NOS1: variants seen among roughly 807,000 people sequenced by gnomAD.
NOS1 encodes the protein nitric oxide synthase 1.
A neutral mutation model predicts 164.5 loss-of-function variants in NOS1; 51 were observed. The observed-to-expected ratio is 0.31, with a 90% CI of 0.25 to 0.39. The LOEUF (loss-of-function observed/expected upper bound fraction) is 0.39, where lower values mean the gene tolerates loss of function less well. Ranked by LOEUF, NOS1 falls within the 10% of genes least tolerant of loss-of-function variation. The pLI is 1.00. For synonymous variants in NOS1, 719 were observed against 745.8 expected (o/e 0.96, Z 0.59); for missense variants, 1,362 against 1,885.6 (o/e 0.72, Z 5.14).
rs776692730 is a variant in NOS1, at chr12:117,225,076, T to C, written c.3766A>G (p.Thr1256Ala). Residue 1256 changes from threonine to alanine, a missense_variant, in exon 25 of 29, where the codon ACC (threonine) becomes GCC (alanine). Around this residue, in one of 4 missense-constraint regions of NOS1, gnomAD observed 737 missense variants for 1,030.3 expected, o/e 0.72. Transcript: ENST00000317775. ...QVPCILVGPG[T>A]GIAPFRSFWQ... ...AAGCTTCGGAAAGGGGCAATGCCGGTGCCTGGTCCAACGAGGATGCAGGGG... is the reference window on the plus strand; with the variant it reads ...AAGCTTCGGAAAGGGGCAATGCCGGCGCCTGGTCCAACGAGGATGCAGGGG... 11 of 1,614,160 alleles carry C rather than the reference T, an allele frequency of 6.8e-6. No homozygotes were observed. Among genetic ancestry groups the C allele is most frequent in the Non-Finnish European group, 9.3e-6 (11 of 1,180,038 alleles).
At chr12:117,338,759 A>C (rs1875957921) in intron 1 of NOS1, among the ~76,000 whole-genome samples, 1 of 152,226 alleles carries the variant, frequency 6.6e-6, no homozygotes, top group African/African-American at 2.4e-5. Context: ...ATGTAAATGT[A>C]AAGGTTATTC....
intron 4 of NOS1, among the ~76,000 whole-genome samples, chr12:117,289,174 A>G (rs1872890994): frequency 6.6e-6 from 1 of 152,224 alleles, no homozygotes; most frequent in African/African-American, 2.4e-5. Flanking sequence ...TATGAAATAA[A>G]AATACTGAGG....
At chr12:117,291,420 T>C (rs1323106349) in intron 3 of NOS1, among the ~76,000 whole-genome samples, 2 of 152,118 alleles carry the variant, frequency 1.3e-5, no homozygotes, top group African/African-American at 4.8e-5. Context: ...AGTCCCCCAT[T>C]TGTCTTCACT....
chr12:117,265,527 G>C lies in NOS1; in HGVS notation c.1942-17C>G, dbSNP rs1872319218. The stretch of plus-strand genomic sequence containing the variant: ...TTTGTCACTCTGTGGGAGGAGAGGG[G>C]ACAGGGGTCAGGAGGTATGAGAAGC... On this transcript the variant is annotated splice_polypyrimidine_tract_variant and intron_variant, in intron 11 of 28. Coordinates refer to ENST00000317775, the MANE Select transcript of NOS1 (RefSeq NM_000620.5). 1.3e-6 allele frequency: 2 copies of C among 1,495,000 alleles called. No individual in the cohort carries two copies. The highest frequency in any genetic ancestry group is 4.3e-5 in the Admixed American group (2 of 46,610). 92.6% of individuals were successfully genotyped at this position (1,495,000 alleles called of 1,614,324 possible).
intron 14 of NOS1, 39 bp downstream of exon 14, chr12:117,260,426 C>T (rs1486648024): frequency 1.2e-6 from 2 of 1,604,848 alleles, no homozygotes; most frequent in East Asian, 2.2e-5. Context: ...CTTAATTCAC[C>T]ATGAGAAGCT....
Position 117,210,414 on chromosome 12 carries a change from C to T in NOS1, c.*4895G>A. On this transcript the variant is annotated 3_prime_UTR_variant, in exon 29 of 29. Transcript: ENST00000317775. ...GTTGCTTCCTGGCAGTCTCAGACTA[C>T]ATTCCTGATACAGACAGAAGGCTTT... 3 of 985,432 alleles carry T rather than the reference C, an allele frequency of 3.0e-6. No homozygotes were observed. Among genetic ancestry groups the T allele is most frequent in the Non-Finnish European group, 3.6e-6 (3 of 829,972 alleles). 61.0% of individuals were successfully genotyped at this position (985,432 alleles called of 1,614,324 possible). A position where few individuals can be genotyped will look rare whatever the true frequency, so the allele number is the denominator to read the frequency against.
rs200268741 is a variant in NOS1 at position 117,272,511 on chromosome 12, G to A, written c.1713C>T (p.Ala571=). The A allele has an allele frequency of 9.3e-6, 15 of 1,614,182 alleles. No homozygotes were observed. Among genetic ancestry groups the A allele is most frequent in the African/African-American group, 6.7e-5 (5 of 75,052 alleles). The part of the protein sequence containing the change: ...DLGLKWYGLP[A]VSNMLLEIGG... ...CAATCTCTAGGAGCATGTTGGACAC[G>A]GCGGGGAGGCCGTACCACTTCAGCC... is the stretch of plus-strand genomic sequence containing the variant. The change falls in exon 10 of 29, where the codon GCC becomes GCT. Residue 571 remains alanine (A), a synonymous_variant. Coordinates refer to ENST00000317775, the MANE Select transcript of NOS1 (RefSeq NM_000620.5). The surrounding 1 kb of genome is among the most constrained non-coding windows in gnomAD (Gnocchi z 4.3).
Position 117,209,960 on chromosome 12 carries a change from A to T in NOS1, c.*5349T>A. The T allele has an allele frequency of 8.1e-6, 8 of 985,402 alleles. No homozygotes were observed. The highest frequency in any genetic ancestry group is 9.6e-6 in the Non-Finnish European group (8 of 830,004). 61.0% of individuals were successfully genotyped at this position (985,402 alleles called of 1,614,324 possible). On this transcript the variant is annotated 3_prime_UTR_variant, in exon 29 of 29. Transcript: ENST00000317775. ...CTCAGACCTGTGTTTCCTTAATCCC[A>T]GCACCTGGTCTTTCATTTTAATTTT...
chr12:117,252,242 T>C (rs1051144119), intron 17 of NOS1, among the ~76,000 whole-genome samples: 1 of 152,236 alleles, frequency 6.6e-6, no homozygotes, highest in Admixed American at 6.5e-5. Flanking sequence ...GAATTCATTT[T>C]TTGGGAGAGA....
intron 1 of NOS1, among the ~76,000 whole-genome samples, 198 bp from the exon 2 acceptor site, chr12:117,331,687 A>T (rs1369971867): frequency 1.3e-5 from 2 of 152,172 alleles, no homozygotes; most frequent in African/African-American, 4.8e-5. Flanking sequence ...GTTAGCTGCA[A>T]ATTACCTAGT....
chr12:117,269,270 C>T (rs1592971415), intron 10 of NOS1, among the ~76,000 whole-genome samples: 3 of 151,838 alleles, frequency 2.0e-5, no homozygotes, highest in African/African-American at 7.3e-5. Context: ...AAGAGCAAAG[C>T]CCTGGGGTGG....
intron 3 of NOS1, among the ~76,000 whole-genome samples, chr12:117,303,285 G>A (rs1322812476): frequency 1.3e-5 from 2 of 152,156 alleles, no homozygotes; most frequent in East Asian, 1.9e-4. Context: ...GAAACGGCCC[G>A]CAAGCCTGTC....
intron 3 of NOS1, among the ~76,000 whole-genome samples, chr12:117,302,832 G>T (rs1419776551): frequency 6.6e-6 from 1 of 151,112 alleles, no homozygotes; most frequent in Non-Finnish European, 1.5e-5. Context: ...TGCAACCTCC[G>T]CCTCCCAGGT....
chr12:117,359,158 C>T lies in NOS1; in HGVS notation c.-421+2354G>A, dbSNP rs939067801. Among the ~76,000 whole-genome samples, 4 of 152,320 alleles carry T rather than the reference C, an allele frequency of 2.6e-5. No individual in the cohort carries two copies. In the East Asian group the frequency reaches 5.8e-4, roughly 22 times the overall value. The stretch of plus-strand genomic sequence containing the variant: ...GTCAGTGGCAGAGCCGTGCGCCCCT[C>T]AGGGCGCTTCTGAAATCCAGACTAG... On this transcript the variant is annotated intron_variant, in intron 1 of 28. Transcript: ENST00000317775.
intron 27 of NOS1, 136 bp downstream of exon 27, chr12:117,219,939 C>T: frequency 2.4e-6 from 2 of 820,724 alleles, no homozygotes; most frequent in Non-Finnish European, 1.9e-6. Context: ...ATCCTCTACC[C>T]TCAGTGGTAA....
chr12:117,303,543 C>T (rs1288280342), intron 3 of NOS1, among the ~76,000 whole-genome samples: 1 of 152,040 alleles, frequency 6.6e-6, no homozygotes, highest in Non-Finnish European at 1.5e-5. Flanking sequence ...GGGGCAAGGG[C>T]AATGGGAAGG....
intron 1 of NOS1, among the ~76,000 whole-genome samples, chr12:117,333,637 C>T (rs1057100145): frequency 2.6e-5 from 4 of 152,186 alleles, no homozygotes; most frequent in East Asian, 1.9e-4. Context: ...AATGAATCCC[C>T]GGGCTCAGCC....
intron 1 of NOS1, among the ~76,000 whole-genome samples, chr12:117,333,530 T>C (rs1395106738): frequency 6.6e-6 from 1 of 151,650 alleles, no homozygotes; most frequent in Non-Finnish European, 1.5e-5. Context: ...ATCCCCTCAA[T>C]GGGGGGGTGT....
At position 117,265,482 on chromosome 12, in the gene NOS1, T is replaced by C; in HGVS notation, c.1970A>G (p.His657Arg). Residue 657 changes from histidine (H) to arginine (R), a missense_variant, in exon 12 of 29, where the codon CAC becomes CGC. This residue lies in a region of NOS1 where 737 missense variants were observed against 1,030.3 expected (regional missense o/e 0.72). Transcript: ENST00000317775. ...CTTAATGAAGGACTCGGTGGCGGAG[T>C]GATGGTCAACAATGGTCACTTTGTC... ...QSDKVTIVDH[H>R]SATESFIKHM... 1 of 1,564,008 alleles carries C rather than the reference T, an allele frequency of 6.4e-7. No homozygotes were observed. The highest frequency in any genetic ancestry group is 8.7e-7 in the Non-Finnish European group (1 of 1,154,770).
Sources: gnomAD v4.1 joint callset for allele counts (sites outside exome capture counted in the v4.1 genomes callset) on GRCh38, gnomAD v4.1.1 for gene constraint, gnomAD v4.1.1 regional missense constraint, Gnocchi (gnomAD v3.1) non-coding constraint, MANE v1.5 for transcripts, NCBI Gene and HGNC (gene_info 2026-07-23, HGNC 2026-07-21) for gene names.